The following GRIP1 variants were observed in gnomAD, a reference collection of about 807,000 sequenced individuals.
The protein encoded by GRIP1 is glutamate receptor-interacting protein 1.
Under a neutral mutation model 129.9 loss-of-function variants are expected in GRIP1, and 45 were observed. That is an observed-to-expected ratio of 0.35 (90% CI 0.27 to 0.44). The LOEUF (loss-of-function observed/expected upper bound fraction) is 0.44. Ranked by LOEUF, GRIP1 falls within the 20% of genes least tolerant of loss-of-function variation. The pLI, the probability that GRIP1 is intolerant of heterozygous loss-of-function variation, is 1.00. For synonymous variants in GRIP1, 530 were observed against 520.8 expected, an observed-to-expected ratio of 1.02 and a Z score of -0.24; for missense variants, 1,196 against 1,396.8, an observed-to-expected ratio of 0.86 and a Z score of 2.29.
At chr12:66,620,668 TTTTC>T (rs1174609371) in intron 1 of GRIP1, among the ~76,000 whole-genome samples, 2 of 151,976 alleles carry the variant, frequency 1.3e-5, no homozygotes, top group Admixed American at 6.6e-5. Context: ...TTCTCTTTCT[TTTTC>T]TTTTTTTTCT....
chr12:67,058,459 T>C (rs1019759083), intron 1 of GRIP1, among the ~76,000 whole-genome samples: 1 of 152,240 alleles, frequency 6.6e-6, no homozygotes, highest in African/African-American at 2.4e-5. Flanking sequence ...TGATCTATTC[T>C]AAACATCTTT....
intron 1 of GRIP1, among the ~76,000 whole-genome samples, chr12:66,883,598 T>C (rs2040516323): frequency 6.6e-6 from 1 of 152,152 alleles, no homozygotes; most frequent in African/African-American, 2.4e-5. Context: ...ACCCCCAGGT[T>C]CCTCCTTTAG....
chr12:66,983,648 T>C, intron 1 of GRIP1, among the ~76,000 whole-genome samples: 1 of 152,318 alleles, frequency 6.6e-6, no homozygotes. Context: ...CTGTGTTTTA[T>C]ACATATTTGA....
intron 1 of GRIP1, among the ~76,000 whole-genome samples, chr12:66,703,417 G>T (rs2035416720): frequency 6.6e-6 from 1 of 152,230 alleles, no homozygotes; most frequent in East Asian, 1.9e-4. Flanking sequence ...CAATCAGGTA[G>T]CAAGTGTGGA....
intron 1 of GRIP1, among the ~76,000 whole-genome samples, chr12:66,872,041 AC>A (rs755533261): frequency 6.6e-5 from 10 of 151,876 alleles, no homozygotes; most frequent in Non-Finnish European, 1.5e-4. Context: ...ACCTTTTTAC[AC>A]CCTTGCTATA....
intron 1 of GRIP1, among the ~76,000 whole-genome samples, chr12:66,960,171 T>A (rs2041902703): frequency 6.6e-6 from 1 of 152,168 alleles, no homozygotes; most frequent in Non-Finnish European, 1.5e-5. Context: ...TGTTGACATT[T>A]ACTGTTTGAC....
At chr12:66,868,295 T>C (rs891263447) in intron 1 of GRIP1, among the ~76,000 whole-genome samples, 1 of 151,608 alleles carries the variant, frequency 6.6e-6, no homozygotes, top group Non-Finnish European at 1.5e-5. Context: ...ACCACTGAGA[T>C]AGAGGAGAAG....
Position 66,379,221 on chromosome 12 carries a change from T to C in GRIP1, c.2621+59A>G, listed in dbSNP as rs141193892. 1,609 of 1,530,984 alleles carry C rather than the reference T, an allele frequency of 1.1e-3. 10 individuals are homozygous for C. The African/African-American group carries it at 0.014, about 14-fold the overall frequency. 94.8% of individuals were successfully genotyped at this position (1,530,984 alleles called of 1,614,324 possible). Reference sequence around the variant, plus strand: ...GCTACTGGAAGTACAGAAGTTCAAATCTTGCCCACATGACCATGCAGTCAT... The same window carrying C: ...GCTACTGGAAGTACAGAAGTTCAAACCTTGCCCACATGACCATGCAGTCAT... On this transcript the variant is annotated intron_variant, in intron 20 of 24. Transcript: ENST00000359742.
At chr12:66,405,435 A>C (rs1372421718) in intron 16 of GRIP1, among the ~76,000 whole-genome samples, 3 of 152,222 alleles carry the variant, frequency 2.0e-5, no homozygotes, top group Non-Finnish European at 2.9e-5. Flanking sequence ...ATAATCAGAT[A>C]AGATGTCTCT....
intron 1 of GRIP1, among the ~76,000 whole-genome samples, chr12:66,671,114 AT>A (rs1335015554): frequency 6.6e-6 from 1 of 152,140 alleles, no homozygotes; most frequent in African/African-American, 2.4e-5. Context: ...AGGCAACATT[AT>A]TTTCTTAAGG....
chr12:66,755,458 A>T (rs1050927870), intron 1 of GRIP1, among the ~76,000 whole-genome samples: 2 of 152,256 alleles, frequency 1.3e-5, no homozygotes, highest in African/African-American at 4.8e-5. Flanking sequence ...TTGTTAAAAA[A>T]TAACAAAGAA....
At chr12:66,560,893 T>C (rs763549343) in intron 2 of GRIP1, among the ~76,000 whole-genome samples, 4 of 152,196 alleles carry the variant, frequency 2.6e-5, no homozygotes, top group Non-Finnish European at 4.4e-5. Context: ...CTTCCATATT[T>C]ATTGCAGCAC....
intron 1 of GRIP1, among the ~76,000 whole-genome samples, chr12:66,927,114 T>C (rs2041309468): frequency 6.6e-6 from 1 of 152,244 alleles, no homozygotes; most frequent in South Asian, 2.1e-4. Flanking sequence ...AAATCCTTTA[T>C]TACTTGTCTA....
intron 1 of GRIP1, among the ~76,000 whole-genome samples, chr12:67,018,472 G>A (rs2042820256): frequency 6.6e-6 from 1 of 152,228 alleles, no homozygotes; most frequent in Non-Finnish European, 1.5e-5. Flanking sequence ...TTCCGCAACA[G>A]ATAACCCAAG....
At chr12:66,640,450 A>G (rs1186323677) in intron 1 of GRIP1, among the ~76,000 whole-genome samples, 1 of 152,202 alleles carries the variant, frequency 6.6e-6, no homozygotes, top group Non-Finnish European at 1.5e-5. Flanking sequence ...CAAAACTACA[A>G]ATAGATTATA....
At chr12:66,605,272 T>A (rs2139829461) in intron 1 of GRIP1, among the ~76,000 whole-genome samples, 1 of 151,494 alleles carries the variant, frequency 6.6e-6, no homozygotes, top group Non-Finnish European at 1.5e-5. Context: ...AAATTGCTTC[T>A]TTTTTTGCCC....
intron 1 of GRIP1, among the ~76,000 whole-genome samples, chr12:66,745,753 T>A (rs1450215665): frequency 6.6e-6 from 1 of 151,914 alleles, no homozygotes; most frequent in Non-Finnish European, 1.5e-5. Context: ...AGGAAAGAGG[T>A]AAAGATAGTA....
At chr12:66,906,443 A>C (rs2040934440) in intron 1 of GRIP1, among the ~76,000 whole-genome samples, 1 of 152,116 alleles carries the variant, frequency 6.6e-6, no homozygotes, top group Non-Finnish European at 1.5e-5. Flanking sequence ...AAAAAAATAA[A>C]ATAAGGTAGA....
chr12:66,803,770 T>C (rs756931646), intron 1 of GRIP1, among the ~76,000 whole-genome samples: 6 of 152,208 alleles, frequency 3.9e-5, no homozygotes, highest in Admixed American at 6.5e-5. Context: ...CCTACTACGT[T>C]GGCTTGCAAC....
Sources: allele counts gnomAD v4.1 joint callset (sites outside exome capture counted in the v4.1 genomes callset), GRCh38; gene constraint gnomAD v4.1.1; transcripts MANE v1.5; gene names NCBI Gene and HGNC (gene_info 2026-07-23, HGNC 2026-07-21).